Variants in CREBBP observed in about 807,000 individuals in gnomAD.
The protein encoded by CREBBP is CREB binding lysine acetyltransferase.
CREBBP carries 19 observed loss-of-function variants against 265.0 expected under a neutral mutation model. The ratio of observed to expected loss-of-function variants is 0.07; its 90% confidence interval spans 0.05 to 0.11. The LOEUF is 0.11. Among genes scored for constraint, CREBBP ranks in the 10% least tolerant of loss-of-function variants. The probability of loss-of-function intolerance (pLI) is 1.00; values close to 1 mark genes in which losing one functional copy is unlikely to be tolerated. For synonymous variants in CREBBP, 1,457 were observed against 1,223.7 expected, an observed-to-expected ratio of 1.19 and a Z score of -3.98; for missense variants, 2,525 against 3,219.0, an observed-to-expected ratio of 0.78 and a Z score of 5.22.
At position 3,876,896 on chromosome 16, in the gene CREBBP, T is replaced by C. The variant is rs2055414658; in HGVS notation, c.85+2936A>G. On this transcript the variant is annotated intron_variant, in intron 1 of 30. Transcript: ENST00000262367. ...GGTGCTGCATGACCTTCGGGAGTGC[T>C]GTTTGCAACATCCATGCCCCCAGAT... Among the ~76,000 whole-genome samples the C allele has an allele frequency of 1.3e-5, 2 of 152,254 alleles. 1 individual carries two copies. Among genetic ancestry groups the C allele is most frequent in the South Asian group, 4.1e-4 (2 of 4,834 alleles).
At chr16:3,796,481 G>T (rs2053611114) in intron 3 of CREBBP, among the ~76,000 whole-genome samples, 1 of 151,904 alleles carries the variant, frequency 6.6e-6, no homozygotes, top group African/African-American at 2.4e-5. Context: ...CTGCCTCCTG[G>T]GTTCAAGCGA....
chr16:3,748,104 A>AATACATACATAC (rs150411875), intron 21 of CREBBP, among the ~76,000 whole-genome samples: 2,714 of 150,784 alleles, frequency 0.018, 43 homozygotes, highest in African/African-American at 0.043. Context: ...AATAAAAATA[A>AATACATACATAC]ATACATACAT....
At chr16:3,863,987 G>C (rs575963313) in intron 1 of CREBBP, among the ~76,000 whole-genome samples, 97 of 152,356 alleles carry the variant, frequency 6.4e-4, no homozygotes, top group African/African-American at 2.2e-3. Flanking sequence ...GCTACAGTCA[G>C]CTGCCTATCC....
At chr16:3,803,849 G>A (rs1277316045) in intron 3 of CREBBP, among the ~76,000 whole-genome samples, 1 of 152,118 alleles carries the variant, frequency 6.6e-6, no homozygotes, top group Non-Finnish European at 1.5e-5. Context: ...GGGAGGCCCA[G>A]GTGGGTGGAT....
intron 12 of CREBBP, among the ~76,000 whole-genome samples, chr16:3,774,285 C>T (rs1466275318): frequency 1.3e-5 from 2 of 152,234 alleles, no homozygotes; most frequent in Non-Finnish European, 2.9e-5. Context: ...TGACAATTCC[C>T]TGCTGGCCAC....
rs755609198 is a variant in CREBBP, at chr16:3,729,251, C to G, written c.5796G>C (p.Thr1932=). ...PSVARTQPPT[T]VSTGKPTSQV... Reference sequence around the variant, plus strand: ...GGCTGGTAGGCTTCCCTGTGGACACCGTGGTGGGGGGCTGAGTCCGGGCCA... The same window carrying G: ...GGCTGGTAGGCTTCCCTGTGGACACGGTGGTGGGGGGCTGAGTCCGGGCCA... The change falls in exon 31 of 31, where the codon ACG becomes ACC. Residue 1932 remains threonine, a synonymous_variant. Coordinates refer to ENST00000262367, the MANE Select transcript of CREBBP (RefSeq NM_004380.3). 6.6e-7 allele frequency: 1 copy of G among 1,526,266 alleles called. No individual in the cohort carries two copies. 94.5% of individuals were successfully genotyped at this position (1,526,266 alleles called of 1,614,324 possible). A position where few individuals can be genotyped will look rare whatever the true frequency, so the allele number is the denominator to read the frequency against.
intron 4 of CREBBP, 76 bp downstream of exon 4, chr16:3,793,310 A>G: frequency 6.3e-7 from 1 of 1,598,558 alleles, no homozygotes; most frequent in Non-Finnish European, 8.6e-7. Context: ...CTTATGAACC[A>G]GAGAGCTGCT....
chr16:3,841,613 C>A lies in CREBBP; in HGVS notation c.798+8684G>T, dbSNP rs562076138. ...CCATGATAACGCCACTGTACTCTAG[C>A]CTGGGTGACAGAGTGAGGCCTTGTC... On this transcript the variant is annotated intron_variant, in intron 2 of 30. Transcript: ENST00000262367. 4.7e-4 allele frequency among the ~76,000 whole-genome samples: 72 copies of A among 152,124 alleles called. 1 individual carries two copies. The East Asian group carries it at 9.4e-3, about 20-fold the overall frequency.
chr16:3,879,819 A>AC lies in CREBBP; in HGVS notation c.85+12dup. 1 of 1,548,498 alleles carries AC rather than the reference A, an allele frequency of 6.5e-7. No individual in the cohort carries two copies. ...GCGCCCCGGGCCCCCGCCGCCCCGGACCCCCTCCTCACCTGTGCTGTCATT... is the reference window on the plus strand; with the variant it reads ...GCGCCCCGGGCCCCCGCCGCCCCGGACCCCCCTCCTCACCTGTGCTGTCATT... On this transcript the variant is annotated intron_variant, in intron 1 of 30. Coordinates refer to ENST00000262367, the MANE Select transcript of CREBBP (RefSeq NM_004380.3).
At chr16:3,805,597 TTAA>T (rs1419581273) in intron 3 of CREBBP, among the ~76,000 whole-genome samples, 23 of 152,294 alleles carry the variant, frequency 1.5e-4, no homozygotes, top group Middle Eastern at 3.4e-3. Context: ...TGCAGCCAGT[TTAA>T]GTCTTGCTCC....
chr16:3,817,963 G>A (rs2068318188), intron 2 of CREBBP, among the ~76,000 whole-genome samples: 2 of 152,212 alleles, frequency 1.3e-5, no homozygotes, highest in South Asian at 2.1e-4. Flanking sequence ...GGAAGGGCAA[G>A]CTGGTTCCTC....
intron 28 of CREBBP, 65 bp from the exon 29 acceptor site, chr16:3,732,002 G>C (rs2051930743): frequency 6.2e-7 from 1 of 1,612,668 alleles, no homozygotes; most frequent in Non-Finnish European, 8.5e-7. Context: ...CGGACGCCCA[G>C]CTCCCAGGCC....
At chr16:3,799,655 C>A (rs1156707133) in intron 3 of CREBBP, among the ~76,000 whole-genome samples, 1 of 152,282 alleles carries the variant, frequency 6.6e-6, no homozygotes, top group East Asian at 1.9e-4. Flanking sequence ...GGAAAAAATT[C>A]TAAATGTCTA....
intron 5 of CREBBP, chr16:3,784,379 A>G (rs2053340713): frequency 6.6e-6 from 1 of 152,248 alleles, no homozygotes; most frequent in African/African-American, 2.4e-5. Context: ...ACTCATTAAC[A>G]TAAATGAAAA....
intron 2 of CREBBP, among the ~76,000 whole-genome samples, chr16:3,820,970 G>T (rs777141799): frequency 6.6e-6 from 1 of 152,198 alleles, no homozygotes; most frequent in African/African-American, 2.4e-5. Context: ...CACCTTGGCA[G>T]GTCCCTACAG....
intron 5 of CREBBP, 100 bp from the exon 6 acceptor site, chr16:3,783,026 C>T (rs1270333177): frequency 7.1e-7 from 1 of 1,409,442 alleles, no homozygotes. Context: ...TACATTTCAT[C>T]AAAATACTAC....
intron 28 of CREBBP, among the ~76,000 whole-genome samples, chr16:3,734,861 A>G (rs1380445311): frequency 2.0e-5 from 3 of 152,098 alleles, no homozygotes; most frequent in Non-Finnish European, 4.4e-5. Flanking sequence ...GTGCTCTCAT[A>G]TGGGACAGGC....
chr16:3,790,441 C>G (rs939987121), intron 5 of CREBBP, among the ~76,000 whole-genome samples: 1 of 123,704 alleles, frequency 8.1e-6, no homozygotes, highest in African/African-American at 3.1e-5. Flanking sequence ...CTGGCGTGAT[C>G]TCGGCTCACC....
chr16:3,736,306 CAG>C (rs1427612756), intron 27 of CREBBP, 103 bp from the exon 28 acceptor site: 10 of 1,235,762 alleles, frequency 8.1e-6, no homozygotes, highest in Non-Finnish European at 1.2e-5. Context: ...CATGGTGTGG[CAG>C]AGTCCCATGC....
Sources: allele counts gnomAD v4.1 joint callset (sites outside exome capture counted in the v4.1 genomes callset), GRCh38; gene constraint gnomAD v4.1.1; transcripts MANE v1.5; gene names NCBI Gene and HGNC (gene_info 2026-07-23, HGNC 2026-07-21).